Variants in CFAP47 observed in about 807,000 individuals in gnomAD.
CFAP47 encodes the protein cilia and flagella associated protein 47.
A neutral mutation model predicts 148.1 loss-of-function variants in CFAP47; 29 were observed. The ratio of observed to expected loss-of-function variants is 0.20; its 90% confidence interval spans 0.15 to 0.27. The LOEUF is 0.27. Ranked by LOEUF, CFAP47 falls within the 10% of genes least tolerant of loss-of-function variation. The pLI, the probability that CFAP47 is intolerant of heterozygous loss-of-function variation, is 1.00. For missense variants in CFAP47, 1,872 were observed against 1,697.5 expected, an observed-to-expected ratio of 1.10 and a Z score of -1.81; for synonymous variants, 664 against 577.3, an observed-to-expected ratio of 1.15 and a Z score of -2.15.
intron 29 of CFAP47, among the ~76,000 whole-genome samples, chrX:36,074,742 C>A (rs750533318): frequency 2.7e-4 from 30 of 111,205 alleles, no homozygotes; most frequent in Non-Finnish European, 5.1e-4. Context: ...TCATTTATTT[C>A]TCTTGTATAA....
At chrX:36,308,152 C>T (rs1556009209) in intron 55 of CFAP47, among the ~76,000 whole-genome samples, 1 of 111,345 alleles carries the variant, frequency 9.0e-6, no homozygotes, top group African/African-American at 3.2e-5. Context: ...ATCTTAATAG[C>T]TTTAAAAATT....
chrX:36,160,495 A>T (rs1939416367), intron 38 of CFAP47, among the ~76,000 whole-genome samples, 186 bp from the exon 39 acceptor site: 2 of 111,464 alleles, frequency 1.8e-5, no homozygotes, highest in Non-Finnish European at 3.8e-5. Flanking sequence ...AAAACAGTAA[A>T]ATAATCTTTC....
rs545215886 is a variant in CFAP47, at chrX:35,971,847, G to A, written c.2158-22G>A. 223 of 1,184,138 alleles carry A rather than the reference G, an allele frequency of 1.9e-4. 4 individuals are homozygous for A. The South Asian group carries it at 3.8e-3, about 20-fold the overall frequency. ...GCTTTTGCTAATAATGAATAATTCT[G>A]GAAAAATATGATTTTTTACAGGTTC... On this transcript the variant is annotated intron_variant, in intron 12 of 63. Transcript: ENST00000378653.
chrX:36,060,414 T>C (rs1879345303), intron 26 of CFAP47, among the ~76,000 whole-genome samples: 1 of 111,673 alleles, frequency 9.0e-6, no homozygotes, highest in Admixed American at 9.6e-5. Flanking sequence ...AATTTAAAAT[T>C]GTGCAAATAG....
chrX:35,951,584 A>G (rs1936167002), intron 5 of CFAP47, among the ~76,000 whole-genome samples: 1 of 111,977 alleles, frequency 8.9e-6, no homozygotes, highest in Non-Finnish European at 1.9e-5. Context: ...CTTCTTATAG[A>G]TCAGTGGCTA....
intron 48 of CFAP47, among the ~76,000 whole-genome samples, chrX:36,240,354 C>T (rs1294018135): frequency 9.0e-6 from 1 of 110,903 alleles, no homozygotes; most frequent in Admixed American, 9.6e-5. Context: ...TAAGTATATG[C>T]AATGAACTAA....
At chrX:35,978,807 G>T (rs1936603154) in intron 15 of CFAP47, among the ~76,000 whole-genome samples, 1 of 111,052 alleles carries the variant, frequency 9.0e-6, no homozygotes, top group Non-Finnish European at 1.9e-5. Context: ...TTGCATCCTG[G>T]ACAATACATT....
intron 51 of CFAP47, among the ~76,000 whole-genome samples, chrX:36,290,610 A>C (rs893557122): frequency 8.9e-6 from 1 of 112,283 alleles, no homozygotes; most frequent in Admixed American, 9.4e-5. Flanking sequence ...CCTGACTCCA[A>C]GTTCAGAGAT....
chrX:36,151,669 A>ATGTGTGTGTGTGTGTCTGTC (rs368357620), intron 37 of CFAP47, among the ~76,000 whole-genome samples: 2 of 102,022 alleles, frequency 2.0e-5, no homozygotes, highest in African/African-American at 6.7e-5. Flanking sequence ...GTGCATGTGT[A>ATGTGTGTGTGTGTGTCTGTC]TGTGTGTGTG....
At chrX:36,313,702 A>G (rs1460146472) in intron 56 of CFAP47, among the ~76,000 whole-genome samples, 2 of 111,301 alleles carry the variant, frequency 1.8e-5, no homozygotes, top group African/African-American at 6.5e-5. Flanking sequence ...GACTCATCTC[A>G]CCAAATGGTT....
intron 36 of CFAP47, among the ~76,000 whole-genome samples, chrX:36,147,042 C>G (rs1357448076): frequency 1.8e-5 from 2 of 110,851 alleles, no homozygotes; most frequent in Admixed American, 9.6e-5. Context: ...CTCGGCCTTC[C>G]AAAGTGTAAA....
At chrX:36,057,583 C>A (rs762736300) in intron 26 of CFAP47, among the ~76,000 whole-genome samples, 13 of 111,594 alleles carry the variant, frequency 1.2e-4, no homozygotes, top group Non-Finnish European at 1.3e-4. Context: ...ACCCTATATT[C>A]TACTAAAAAT....
At chrX:36,337,450 G>T (rs2146976179) in intron 57 of CFAP47, among the ~76,000 whole-genome samples, 1 of 111,744 alleles carries the variant, frequency 8.9e-6, no homozygotes, top group East Asian at 2.8e-4. Flanking sequence ...ATATATAGAT[G>T]GTAGAGAGAA....
At chrX:36,323,648 CCAGT>C (rs1556012490) in intron 57 of CFAP47, among the ~76,000 whole-genome samples, 2 of 111,101 alleles carry the variant, frequency 1.8e-5, no homozygotes, top group Non-Finnish European at 3.8e-5. Flanking sequence ...ATTCATCATC[CCAGT>C]CAATCTGACT....
At chrX:36,353,876 TAC>T (rs1556017952) in intron 60 of CFAP47, among the ~76,000 whole-genome samples, 195 bp downstream of exon 60, 6 of 112,007 alleles carry the variant, frequency 5.4e-5, no homozygotes, top group Admixed American at 4.8e-4. Flanking sequence ...CATAACAAGT[TAC>T]AGTTATCACT....
intron 25 of CFAP47, among the ~76,000 whole-genome samples, chrX:36,043,517 C>A (rs149165456): frequency 2.7e-3 from 303 of 113,026 alleles, no homozygotes; most frequent in African/African-American, 9.4e-3. Context: ...ACAAAGGGGC[C>A]ACAGGCCCCA....
chrX:36,085,416 G>A lies in CFAP47; in HGVS notation c.4794G>A (p.Leu1598=), dbSNP rs893638161. The A allele has an allele frequency of 8.3e-7, 1 of 1,202,536 alleles. No individual in the cohort carries two copies. The highest frequency in any genetic ancestry group is 1.1e-6 in the Non-Finnish European group (1 of 888,323). ...ATAATAAGACCATTTATGATGTGCT[G>A]CTCCATTTGAGTGGAAAAATGCCAC... ...SKYNKTIYDV[L]LHLSGKMPPG... Residue 1598 remains leucine (L), a synonymous_variant, in exon 30 of 64, where the codon CTG becomes CTA. Coordinates refer to ENST00000378653, the MANE Select transcript of CFAP47 (RefSeq NM_001304548.2).
intron 4 of CFAP47, 112 bp downstream of exon 4, chrX:35,948,564 C>T (rs1202635021): frequency 1.8e-5 from 11 of 617,210 alleles, no homozygotes; most frequent in Admixed American, 6.8e-5. Flanking sequence ...TTCCATTCAG[C>T]GTTGTTCATT....
At chrX:36,293,338 C>T (rs1941210809) in intron 51 of CFAP47, among the ~76,000 whole-genome samples, 1 of 112,033 alleles carries the variant, frequency 8.9e-6, no homozygotes, top group African/African-American at 3.2e-5. Context: ...GCTGATACAG[C>T]AAATAAACCC....
Sources: allele counts gnomAD v4.1 joint callset (sites outside exome capture counted in the v4.1 genomes callset), GRCh38; gene constraint gnomAD v4.1.1; transcripts MANE v1.5; gene names NCBI Gene and HGNC (gene_info 2026-07-23, HGNC 2026-07-21).